The following FRMD5 variants were observed in gnomAD, a reference collection of about 807,000 sequenced individuals.
FRMD5 encodes the protein FERM domain containing 5.
Under a neutral mutation model 69.0 loss-of-function variants are expected in FRMD5, and 20 were observed. The ratio of observed to expected loss-of-function variants is 0.29; its 90% CI spans 0.20 to 0.42. FRMD5 has a LOEUF of 0.42. FRMD5 is among the 10% of genes least tolerant of loss of function. The pLI is 1.00. For synonymous variants in FRMD5, 271 were observed against 260.1 expected, an observed-to-expected ratio of 1.04 and a Z score of -0.40; for missense variants, 595 against 708.6, an observed-to-expected ratio of 0.84 and a Z score of 1.82.
At chr15:44,197,031 G>A (rs1302092257), upstream of FRMD5, among the ~76,000 whole-genome samples, 1 of 152,116 alleles carries the variant, frequency 6.6e-6, no homozygotes, top group African/African-American at 2.4e-5. Context: ...TATTCAATAA[G>A]TGTTGAACTG....
chr15:44,092,956 G>A, intron 1 of FRMD5, among the ~76,000 whole-genome samples: 1 of 121,268 alleles, frequency 8.2e-6, no homozygotes, highest in Admixed American at 9.0e-5. Flanking sequence ...TTTTTGAGAT[G>A]GAGTCTCACT....
At chr15:44,090,122 G>T (rs1330667529) in intron 1 of FRMD5, among the ~76,000 whole-genome samples, 2 of 152,072 alleles carry the variant, frequency 1.3e-5, no homozygotes, top group East Asian at 3.9e-4. Flanking sequence ...CTATCCTGAA[G>T]TTGAGGCCAA....
At chr15:44,146,791 C>T (rs752520018) in intron 1 of FRMD5, among the ~76,000 whole-genome samples, 8 of 152,068 alleles carry the variant, frequency 5.3e-5, no homozygotes, top group Non-Finnish European at 1.2e-4. Context: ...GCATAAACGT[C>T]TTCTTTTAAG....
At chr15:43,989,411 C>G in intron 1 of FRMD5, 3 of 785,830 alleles carry the variant, frequency 3.8e-6, no homozygotes, top group Middle Eastern at 2.3e-4. Context: ...AAGAGCGCCT[C>G]AGGGCAGCAG....
chr15:43,934,983 G>C (rs2140473496), intron 1 of FRMD5, among the ~76,000 whole-genome samples: 1 of 152,374 alleles, frequency 6.6e-6, no homozygotes, highest in Admixed American at 6.5e-5. Context: ...AACTGACAGA[G>C]ATGGAAAGGG....
chr15:44,043,412 T>C (rs1314346499), intron 1 of FRMD5, among the ~76,000 whole-genome samples: 1 of 152,092 alleles, frequency 6.6e-6, no homozygotes, highest in Non-Finnish European at 1.5e-5. Flanking sequence ...TTCACAGAAT[T>C]GGAAAAAACT....
chr15:44,169,553 A>C (rs997061125), intron 1 of FRMD5, among the ~76,000 whole-genome samples: 5 of 152,146 alleles, frequency 3.3e-5, no homozygotes, highest in Admixed American at 1.3e-4. Context: ...ATTCAGGCAC[A>C]TCTCTCTTTC....
At chr15:44,052,482 G>A (rs1371301417) in intron 1 of FRMD5, among the ~76,000 whole-genome samples, 2 of 152,156 alleles carry the variant, frequency 1.3e-5, no homozygotes, top group Non-Finnish European at 2.9e-5. Context: ...AGAGCCAAGT[G>A]CAAGGTGTAC....
At chr15:44,138,090 A>T (rs2077213566) in intron 1 of FRMD5, among the ~76,000 whole-genome samples, 1 of 152,238 alleles carries the variant, frequency 6.6e-6, no homozygotes, top group Admixed American at 6.5e-5. Context: ...TGGGTAGGAT[A>T]TGATGATATT....
intron 1 of FRMD5, among the ~76,000 whole-genome samples, chr15:44,166,805 A>G (rs569066558): frequency 1.0e-3 from 151 of 151,188 alleles, no homozygotes; most frequent in East Asian, 1.7e-3. Flanking sequence ...AAAAAAAAAA[A>G]AAGAAGAAAG....
At chr15:44,143,612 G>A (rs537677584) in intron 1 of FRMD5, among the ~76,000 whole-genome samples, 49 of 150,400 alleles carry the variant, frequency 3.3e-4, no homozygotes, top group Admixed American at 2.3e-3. Flanking sequence ...GTATCAGAAC[G>A]CATTACTAGA....
intron 1 of FRMD5, among the ~76,000 whole-genome samples, chr15:44,193,464 T>C (rs759028446): frequency 1.3e-5 from 2 of 152,094 alleles, no homozygotes; most frequent in Non-Finnish European, 2.9e-5. Flanking sequence ...CATGGCACAA[T>C]GATACAATAG....
chr15:44,161,331 C>G (rs922697866), intron 1 of FRMD5, among the ~76,000 whole-genome samples: 3 of 152,206 alleles, frequency 2.0e-5, no homozygotes, highest in African/African-American at 7.2e-5. Context: ...GCCTGCACCT[C>G]TGAGTATAGA....
chr15:44,111,942 C>A (rs1217113720), intron 1 of FRMD5, among the ~76,000 whole-genome samples: 3 of 151,924 alleles, frequency 2.0e-5, no homozygotes, highest in African/African-American at 7.3e-5. Flanking sequence ...CTCCCGGGTT[C>A]ACGCCATTCT....
chr15:44,117,484 C>T (rs1016754462), intron 1 of FRMD5, among the ~76,000 whole-genome samples: 5 of 152,134 alleles, frequency 3.3e-5, no homozygotes, highest in Non-Finnish European at 7.4e-5. Context: ...AGCGGAAAGA[C>T]CTCAGGCTGA....
At chr15:44,009,013 A>G (rs967130758) in intron 1 of FRMD5, among the ~76,000 whole-genome samples, 1 of 152,152 alleles carries the variant, frequency 6.6e-6, no homozygotes, top group Admixed American at 6.6e-5. Flanking sequence ...GTGACAGAGG[A>G]GACTCCGTCT....
In FRMD5 at chr15:44,162,822, G is replaced by A. The variant is rs919898131; in HGVS notation, c.102+32131C>T. On this transcript the variant is annotated intron_variant, in intron 1 of 13. Transcript: ENST00000417257. ...GCAGAGGTTGCGGTGAGCCAAGATC[G>A]GGCCACTGTACTCCAGCATGGGCAA... Among the ~76,000 whole-genome samples the A allele has an allele frequency of 3.3e-4, 48 of 147,644 alleles. 1 individual carries two copies. Among genetic ancestry groups the A allele is most frequent in the Non-Finnish European group, 5.9e-4 (40 of 67,248 alleles).
At chr15:44,056,022 C>A (rs1008313606) in intron 1 of FRMD5, among the ~76,000 whole-genome samples, 1 of 152,180 alleles carries the variant, frequency 6.6e-6, no homozygotes, top group Non-Finnish European at 1.5e-5. Flanking sequence ...AACCTCCTCC[C>A]TTATTCATTA....
At chr15:44,114,522 A>G (rs1259408001) in intron 1 of FRMD5, among the ~76,000 whole-genome samples, 1 of 151,888 alleles carries the variant, frequency 6.6e-6, no homozygotes, top group Non-Finnish European at 1.5e-5. Context: ...TTCTCTATTG[A>G]CTCCTCTTTC....
Sources: gnomAD v4.1 joint callset for allele counts (sites outside exome capture counted in the v4.1 genomes callset) on GRCh38, gnomAD v4.1.1 for gene constraint, MANE v1.5 for transcripts, NCBI Gene and HGNC (gene_info 2026-07-23, HGNC 2026-07-21) for gene names.